The following RGS6 variants were observed in gnomAD, a reference collection of about 807,000 sequenced individuals.
RGS6 encodes regulator of G-protein signaling 6.
In RGS6, 30 loss-of-function variants were observed where a neutral mutation model predicts 78.5. The ratio of observed to expected loss-of-function variants is 0.38; its 90% CI spans 0.29 to 0.52. The LOEUF (loss-of-function observed/expected upper bound fraction) is 0.52, where lower values mean the gene tolerates loss of function less well. Among genes scored for constraint, RGS6 ranks in the 20% least tolerant of loss-of-function variants. The probability of loss-of-function intolerance (pLI) is 0.85; values close to 1 mark genes in which losing one functional copy is unlikely to be tolerated. For synonymous variants in RGS6, 206 were observed against 206.0 expected (o/e 1.00, Z 0.00); for missense variants, 495 against 609.7 (o/e 0.81, Z 1.98).
At chr14:72,052,008 G>A (rs1026314233) in intron 2 of RGS6, among the ~76,000 whole-genome samples, 6 of 152,288 alleles carry the variant, frequency 3.9e-5, no homozygotes, top group African/African-American at 7.2e-5. Flanking sequence ...GCCAAAAGGA[G>A]ATCTGCTAGG....
chr14:72,279,301 A>C (rs1285325359), intron 2 of RGS6, among the ~76,000 whole-genome samples: 1 of 151,980 alleles, frequency 6.6e-6, no homozygotes, highest in African/African-American at 2.4e-5. Context: ...CATGGAGCTA[A>C]TTGTAGGACA....
the RGS6 span, among the ~76,000 whole-genome samples, chr14:72,599,955 G>C: frequency 6.6e-6 from 1 of 152,126 alleles, no homozygotes; most frequent in Non-Finnish European, 1.5e-5. Context: ...GCCTCAGGGG[G>C]ACTTCCAGAG....
intron 2 of RGS6, among the ~76,000 whole-genome samples, chr14:72,099,638 A>G (rs2095486416): frequency 6.6e-6 from 1 of 152,212 alleles, no homozygotes. Flanking sequence ...ACCCATTTCC[A>G]GGGAGCATTC....
At chr14:71,979,952 G>A (rs28776569) in intron 2 of RGS6, among the ~76,000 whole-genome samples, 21,447 of 135,194 alleles carry the variant, frequency 0.16, 1,704 homozygotes, top group Non-Finnish European at 0.2. Context: ...CTCCTGTATT[G>A]GGTGCATATA....
chr14:72,245,959 C>A (rs1033319119), intron 2 of RGS6, among the ~76,000 whole-genome samples: 4 of 152,188 alleles, frequency 2.6e-5, no homozygotes, highest in African/African-American at 9.6e-5. Flanking sequence ...AGGGAGGGTA[C>A]CTTTCACATG....
At chr14:72,226,131 C>T (rs2048071648) in intron 2 of RGS6, among the ~76,000 whole-genome samples, 1 of 152,180 alleles carries the variant, frequency 6.6e-6, no homozygotes, top group Non-Finnish European at 1.5e-5. Context: ...AAATCCAAAT[C>T]TATAGCCCAT....
At chr14:72,147,064 T>C (rs2096615799) in intron 2 of RGS6, among the ~76,000 whole-genome samples, 1 of 152,182 alleles carries the variant, frequency 6.6e-6, no homozygotes, top group Admixed American at 6.5e-5. Flanking sequence ...ACTGTCCATG[T>C]TTCTACCAAC....
chr14:72,227,066 G>C (rs897427429), intron 2 of RGS6, among the ~76,000 whole-genome samples: 2 of 152,098 alleles, frequency 1.3e-5, no homozygotes, highest in Non-Finnish European at 1.5e-5. Context: ...CTAGATATAC[G>C]ACATTTCTTT....
At chr14:72,438,863 C>T (rs2153196006) in intron 3 of RGS6, among the ~76,000 whole-genome samples, 1 of 152,344 alleles carries the variant, frequency 6.6e-6, no homozygotes, top group East Asian at 1.9e-4. Flanking sequence ...CCTGACACAG[C>T]CCCTGCCTTC....
intron 2 of RGS6, among the ~76,000 whole-genome samples, chr14:72,015,148 G>A (rs892564386): frequency 1.8e-4 from 27 of 152,144 alleles, no homozygotes; most frequent in African/African-American, 6.0e-4. Flanking sequence ...TTCTGCTGAG[G>A]GCTCCCAGCT....
At chr14:72,441,491 C>A (rs1456537971) in intron 3 of RGS6, among the ~76,000 whole-genome samples, 1 of 152,156 alleles carries the variant, frequency 6.6e-6, no homozygotes, top group Non-Finnish European at 1.5e-5. Flanking sequence ...GCAGCTTGGT[C>A]ACTGCCAGCT....
chr14:71,922,705 C>T, the RGS6 span, among the ~76,000 whole-genome samples: 1 of 152,170 alleles, frequency 6.6e-6, no homozygotes, highest in Admixed American at 6.5e-5. Context: ...TCTCCTTAGT[C>T]TCCTTCAGTC....
chr14:72,114,822 T>TA (rs1479801042), intron 2 of RGS6, among the ~76,000 whole-genome samples: 1 of 152,200 alleles, frequency 6.6e-6, no homozygotes, highest in African/African-American at 2.4e-5. Flanking sequence ...CTATCCCAAG[T>TA]GATCGAAGGG....
At chr14:72,426,423 G>A (rs953948544) in intron 3 of RGS6, among the ~76,000 whole-genome samples, 1 of 152,166 alleles carries the variant, frequency 6.6e-6, no homozygotes, top group African/African-American at 2.4e-5. Context: ...GGCCTGCAAA[G>A]GTGTAGAGCA....
chr14:72,007,387 C>G (rs74060445), intron 2 of RGS6, among the ~76,000 whole-genome samples: 4,488 of 152,224 alleles, frequency 0.029, 193 homozygotes, highest in African/African-American at 0.097. Flanking sequence ...AAAGTCTTTT[C>G]TTAACATCTC....
intron 2 of RGS6, among the ~76,000 whole-genome samples, chr14:72,328,534 G>T (rs1222106169): frequency 6.6e-6 from 1 of 152,174 alleles, no homozygotes; most frequent in Non-Finnish European, 1.5e-5. Flanking sequence ...TTTAGGAGAA[G>T]AAACTGAAGT....
the RGS6 span, among the ~76,000 whole-genome samples, chr14:71,870,541 G>T: frequency 6.6e-6 from 1 of 152,302 alleles, no homozygotes; most frequent in Non-Finnish European, 1.5e-5. Flanking sequence ...GTGGGCTTGT[G>T]CCTGCTCTGT....
chr14:72,201,903 A>G (rs960949198), intron 2 of RGS6, among the ~76,000 whole-genome samples: 3 of 152,314 alleles, frequency 2.0e-5, no homozygotes, highest in East Asian at 3.9e-4. Flanking sequence ...TACTTTTTGT[A>G]TCACAGGAAA....
intron 2 of RGS6, among the ~76,000 whole-genome samples, chr14:72,138,063 G>C (rs2096475599): frequency 1.3e-5 from 2 of 152,112 alleles, no homozygotes; most frequent in Non-Finnish European, 2.9e-5. Flanking sequence ...AGGGTTTTAG[G>C]AGTTGTGTGC....
Sources: gnomAD v4.1 joint callset for allele counts (sites outside exome capture counted in the v4.1 genomes callset) on GRCh38, gnomAD v4.1.1 for gene constraint, MANE v1.5 for transcripts, NCBI Gene and HGNC (gene_info 2026-07-23, HGNC 2026-07-21) for gene names.